Variants in KIAA1217 observed in about 807,000 individuals in gnomAD.
KIAA1217 encodes the protein KIAA1217, also known as sickle tail protein homolog.
KIAA1217 carries 88 observed loss-of-function variants against 163.9 expected under a neutral mutation model. The observed-to-expected ratio is 0.54, with a 90% CI of 0.45 to 0.64. The LOEUF (loss-of-function observed/expected upper bound fraction) is 0.64. Among genes scored for constraint, KIAA1217 ranks in the 30% least tolerant of loss-of-function variants. The probability of loss-of-function intolerance (pLI) is 0.00; values close to 1 mark genes in which losing one functional copy is unlikely to be tolerated. For synonymous variants in KIAA1217, 903 were observed against 923.1 expected (o/e 0.98, Z 0.39); for missense variants, 2,372 against 2,475.0 (o/e 0.96, Z 0.88).
chr10:23,993,552 G>GGTTTTTTTTTTTTTTTTTTTTTTTTTT (rs1564594837), intron 1 of KIAA1217, among the ~76,000 whole-genome samples: 1 of 39,438 alleles, frequency 2.5e-5, no homozygotes, highest in African/African-American at 1.6e-4. Context: ...CCATAGCCCA[G>GGTTTTTTTTTTTTTTTTTTTTTTTTTT]CTTTTTTTTT....
At chr10:23,699,479 A>G (rs1480590227) in intron 1 of KIAA1217, among the ~76,000 whole-genome samples, 1 of 152,124 alleles carries the variant, frequency 6.6e-6, no homozygotes, top group Non-Finnish European at 1.5e-5. Flanking sequence ...TCTCTTCTCC[A>G]TTGGATGGTG....
chr10:24,409,181 G>T (rs1456629669), intron 3 of KIAA1217, among the ~76,000 whole-genome samples: 2 of 151,946 alleles, frequency 1.3e-5, no homozygotes, highest in Non-Finnish European at 2.9e-5. Context: ...ATCCCAAAGG[G>T]GCTTCCATTT....
At chr10:23,739,252 G>T (rs1390148475) in intron 1 of KIAA1217, among the ~76,000 whole-genome samples, 2 of 152,034 alleles carry the variant, frequency 1.3e-5, no homozygotes, top group African/African-American at 4.8e-5. Context: ...CTCGAAAGGG[G>T]CAGGTGATGA....
At chr10:23,851,210 G>A (rs1303908497) in intron 1 of KIAA1217, among the ~76,000 whole-genome samples, 1 of 151,922 alleles carries the variant, frequency 6.6e-6, no homozygotes, top group Non-Finnish European at 1.5e-5. Context: ...TCCCCTTCCT[G>A]TGTCCATGTG....
chr10:24,068,507 C>T (rs996720299), intron 2 of KIAA1217, among the ~76,000 whole-genome samples: 4 of 152,114 alleles, frequency 2.6e-5, no homozygotes, highest in Non-Finnish European at 5.9e-5. Flanking sequence ...TAGTTTGAAT[C>T]ATGTTTCTGT....
intron 2 of KIAA1217, among the ~76,000 whole-genome samples, chr10:24,277,246 A>G (rs2077402624): frequency 6.6e-6 from 1 of 152,224 alleles, no homozygotes; most frequent in Non-Finnish European, 1.5e-5. Context: ...CAGTTGCAGA[A>G]GACTGCTTTT....
At chr10:24,209,719 T>A (rs2067826949) in intron 1 of KIAA1217, among the ~76,000 whole-genome samples, 1 of 152,072 alleles carries the variant, frequency 6.6e-6, no homozygotes, top group Non-Finnish European at 1.5e-5. Context: ...AATTTTAGAG[T>A]TAAATCACAG....
intron 1 of KIAA1217, among the ~76,000 whole-genome samples, chr10:23,795,215 T>C (rs1836142715): frequency 6.6e-6 from 1 of 152,202 alleles, no homozygotes; most frequent in Admixed American, 6.5e-5. Flanking sequence ...GATGTCTCCT[T>C]ATCTCCACTT....
At chr10:23,834,889 G>A (rs1245782210) in intron 1 of KIAA1217, among the ~76,000 whole-genome samples, 4 of 152,040 alleles carry the variant, frequency 2.6e-5, no homozygotes, top group East Asian at 1.9e-4. Context: ...GCATTCAGAC[G>A]TATTCATAAA....
chr10:24,513,334 A>C lies in KIAA1217; in HGVS notation c.2077A>C (p.Met693Leu), dbSNP rs774096302. Residue 693 changes from methionine (M) to leucine (L), a missense_variant, in exon 10 of 21, where the codon ATG becomes CTG. Coordinates refer to ENST00000376454, the MANE Select transcript of KIAA1217 (RefSeq NM_019590.5). ...AATCAGTGGCAAAGTGATGGAAACA[A>C]TGAAGAGACTGGAGGATCCCGTGCA... ...LEISGKVMET[M>L]KRLEDPVQRQ... is the part of the protein sequence containing the mutation. 3 of 1,614,104 alleles carry C rather than the reference A, an allele frequency of 1.9e-6. No homozygotes were observed. The African/African-American group carries it at 4.0e-5, about 22-fold the overall frequency.
At chr10:23,720,126 G>T (rs181774118) in intron 1 of KIAA1217, among the ~76,000 whole-genome samples, 7 of 151,842 alleles carry the variant, frequency 4.6e-5, no homozygotes, top group Admixed American at 2.6e-4. Context: ...ACAAAGTTGT[G>T]AATGTACTAA....
intron 1 of KIAA1217, among the ~76,000 whole-genome samples, chr10:23,983,998 A>C (rs1974258): frequency 0.21 from 31,363 of 152,182 alleles, 3,527 homozygotes; most frequent in Middle Eastern, 0.3. Flanking sequence ...ACCCAAAACA[A>C]TCCCATTTGA....
chr10:24,432,655 A>ACAT (rs2059697262), intron 3 of KIAA1217, among the ~76,000 whole-genome samples: 1 of 151,944 alleles, frequency 6.6e-6, no homozygotes, highest in Non-Finnish European at 1.5e-5. Context: ...GGATCTTGCT[A>ACAT]CATTGCCCAG....
chr10:24,370,562 C>T (rs115676833), intron 2 of KIAA1217, among the ~76,000 whole-genome samples: 362 of 152,226 alleles, frequency 2.4e-3, no homozygotes, highest in African/African-American at 8.3e-3. Context: ...AACAAGTAAA[C>T]AGCAGTATTC....
At chr10:23,939,321 C>T (rs900021767) in intron 1 of KIAA1217, among the ~76,000 whole-genome samples, 5 of 152,072 alleles carry the variant, frequency 3.3e-5, no homozygotes, top group Admixed American at 3.3e-4. Flanking sequence ...TTAGAATCAA[C>T]AATCCCTATA....
chr10:23,896,401 C>T (rs1841703752), intron 1 of KIAA1217, among the ~76,000 whole-genome samples: 1 of 151,986 alleles, frequency 6.6e-6, no homozygotes, highest in Non-Finnish European at 1.5e-5. Context: ...GTAATCTTTT[C>T]CTTCTTCCAC....
intron 1 of KIAA1217, among the ~76,000 whole-genome samples, chr10:23,726,241 T>A (rs921642027): frequency 1.3e-5 from 2 of 151,784 alleles, no homozygotes; most frequent in Non-Finnish European, 2.9e-5. Flanking sequence ...GTTTCTAGGA[T>A]TTGGGGGAGA....
chr10:23,732,733 G>T (rs2130791465), intron 1 of KIAA1217, among the ~76,000 whole-genome samples: 1 of 152,066 alleles, frequency 6.6e-6, no homozygotes, highest in South Asian at 2.1e-4. Flanking sequence ...TAGCTAACTG[G>T]TTTTTTAATC....
intron 1 of KIAA1217, among the ~76,000 whole-genome samples, chr10:23,878,899 T>C (rs1396106756): frequency 6.6e-6 from 1 of 151,922 alleles, no homozygotes; most frequent in Non-Finnish European, 1.5e-5. Flanking sequence ...AGTTTTTGGC[T>C]TGAGCAACTG....
Sources: gnomAD v4.1 joint callset for allele counts (sites outside exome capture counted in the v4.1 genomes callset) on GRCh38, gnomAD v4.1.1 for gene constraint, MANE v1.5 for transcripts, NCBI Gene and HGNC (gene_info 2026-07-23, HGNC 2026-07-21) for gene names.